Variants in PRELID2 observed in about 807,000 individuals in gnomAD.
PRELID2 encodes the protein PRELI domain-containing protein 2.
PRELID2 carries 25 observed loss-of-function variants against 28.4 expected under a neutral mutation model. The ratio of observed to expected loss-of-function variants is 0.88; its 90% CI spans 0.64 to 1.23. The LOEUF is 1.23. PRELID2 is among the 50% of genes most tolerant of loss of function. PRELID2 has a pLI of 0.00. For missense variants in PRELID2, 201 were observed against 214.4 expected, an observed-to-expected ratio of 0.94 and a Z score of 0.39; for synonymous variants, 76 against 71.6, an observed-to-expected ratio of 1.06 and a Z score of -0.31.
chr5:145,835,147 G>A (rs370256767), intron 1 of PRELID2, 30 bp downstream of exon 1: 10 of 1,496,384 alleles, frequency 6.7e-6, no homozygotes, highest in African/African-American at 5.6e-5. Flanking sequence ...GAGGCAGCGC[G>A]GGATACGGAA....
At chr5:145,538,223 G>A (rs1345995817) in intron 1 of PRELID2, among the ~76,000 whole-genome samples, 2 of 151,760 alleles carry the variant, frequency 1.3e-5, no homozygotes, top group Non-Finnish European at 2.9e-5. Context: ...TTTTATGCCA[G>A]TACCATACTG....
intron 1 of PRELID2, among the ~76,000 whole-genome samples, chr5:145,556,591 G>A (rs969319471): frequency 1.4e-4 from 21 of 152,114 alleles, no homozygotes; most frequent in African/African-American, 5.1e-4. Context: ...AAATACATCT[G>A]AAAATCTGAT....
rs1757332369 is a variant in PRELID2, at chr5:145,758,589, T to C, written c.*1947A>G. ...CCTTCAGAGGATGGGAGTTTTTGAG[T>C]GTGAAGGGTTAAACTTACTCTAATG... On this transcript the variant is annotated 3_prime_UTR_variant, in exon 7 of 7. Coordinates refer to ENST00000683046, the MANE Select transcript of PRELID2 (RefSeq NM_205846.3). 6.6e-6 allele frequency among the ~76,000 whole-genome samples: 1 copy of C among 152,138 alleles called. No individual in the cohort carries two copies. The highest frequency in any genetic ancestry group is 1.5e-5 in the Non-Finnish European group (1 of 68,030).
At chr5:145,274,725 G>A in the PRELID2 span, among the ~76,000 whole-genome samples, 1 of 152,152 alleles carries the variant, frequency 6.6e-6, no homozygotes, top group African/African-American at 2.4e-5. Flanking sequence ...AAAGAGGAAA[G>A]CATAGTTTGA....
At chr5:145,269,144 T>G in the PRELID2 span, among the ~76,000 whole-genome samples, 1 of 152,104 alleles carries the variant, frequency 6.6e-6, no homozygotes, top group Non-Finnish European at 1.5e-5. Context: ...ATCAAAATCC[T>G]GACAATTTTT....
chr5:145,558,181 G>A (rs1378875627), intron 1 of PRELID2, among the ~76,000 whole-genome samples: 1 of 152,148 alleles, frequency 6.6e-6, no homozygotes, highest in Non-Finnish European at 1.5e-5. Context: ...ATTAAAACCT[G>A]GCTCATAAAG....
the PRELID2 span, among the ~76,000 whole-genome samples, chr5:145,305,850 C>T: frequency 3.3e-5 from 5 of 152,186 alleles, no homozygotes; most frequent in Non-Finnish European, 4.4e-5. Context: ...CAGGGAAATG[C>T]TTCCCCACAT....
At chr5:145,388,440 C>G in the PRELID2 span, among the ~76,000 whole-genome samples, 1 of 152,100 alleles carries the variant, frequency 6.6e-6, no homozygotes, top group Non-Finnish European at 1.5e-5. Flanking sequence ...TAATGCTTTT[C>G]TTTTTCCCAC....
chr5:145,669,516 A>G (rs569392130), intron 1 of PRELID2, among the ~76,000 whole-genome samples: 6 of 152,242 alleles, frequency 3.9e-5, no homozygotes, highest in Admixed American at 6.6e-5. Context: ...TTAGCCTTCA[A>G]ACTGAACTAC....
At position 145,835,262 on chromosome 5, in the gene PRELID2, C is replaced by A. The variant is rs745932488; in HGVS notation, c.-11G>T. 3 of 1,542,620 alleles carry A rather than the reference C, an allele frequency of 1.9e-6. No homozygotes were observed. The highest frequency in any genetic ancestry group is 2.6e-6 in the Non-Finnish European group (3 of 1,141,350). ...CACCGAGACCCCCATCCCCGCGCGC[C>A]GCGGGCCCCGCGCACCGGCCACGCC... On this transcript the variant is annotated 5_prime_UTR_variant, in exon 1 of 7. Coordinates refer to ENST00000683046, the MANE Select transcript of PRELID2 (RefSeq NM_205846.3).
the PRELID2 span, among the ~76,000 whole-genome samples, chr5:145,340,324 T>G: frequency 6.6e-6 from 1 of 152,124 alleles, no homozygotes; most frequent in Admixed American, 6.6e-5. Flanking sequence ...CAACATAGCA[T>G]GGACTGCATG....
chr5:145,550,735 T>C (rs988073988), intron 1 of PRELID2, among the ~76,000 whole-genome samples: 1 of 152,230 alleles, frequency 6.6e-6, no homozygotes, highest in Non-Finnish European at 1.5e-5. Context: ...CAGCATTAAA[T>C]GGAATGGCAC....
At chr5:145,461,267 C>T in the PRELID2 span, among the ~76,000 whole-genome samples, 11 of 152,144 alleles carry the variant, frequency 7.2e-5, no homozygotes, top group African/African-American at 2.2e-4. Context: ...CTTTATTGCT[C>T]ATCGACTGTA....
At chr5:145,650,533 TATA>T (rs1754275163) in intron 1 of PRELID2, among the ~76,000 whole-genome samples, 1 of 9,694 alleles carries the variant, frequency 1.0e-4, no homozygotes, top group African/African-American at 5.1e-4. Flanking sequence ...CATATATACA[TATA>T]TATATATATA....
At chr5:145,245,823 G>A in the PRELID2 span, among the ~76,000 whole-genome samples, 7 of 152,054 alleles carry the variant, frequency 4.6e-5, no homozygotes, top group South Asian at 2.1e-4. Flanking sequence ...TCTCTTCAGC[G>A]TAAAATACAG....
intron 1 of PRELID2, among the ~76,000 whole-genome samples, chr5:145,695,110 A>G (rs532617976): frequency 2.6e-5 from 4 of 152,338 alleles, no homozygotes; most frequent in Admixed American, 2.6e-4. Flanking sequence ...ACTAACAAGT[A>G]AAGAAAAAGA....
chr5:145,568,779 C>A (rs1455209952), intron 1 of PRELID2, among the ~76,000 whole-genome samples: 1 of 152,196 alleles, frequency 6.6e-6, no homozygotes, highest in Non-Finnish European at 1.5e-5. Context: ...GGCAGCCAAT[C>A]ATTTCCTGCA....
the PRELID2 span, among the ~76,000 whole-genome samples, chr5:145,335,404 CAG>C: frequency 2.0e-5 from 3 of 151,840 alleles, no homozygotes; most frequent in Non-Finnish European, 4.4e-5. Flanking sequence ...TGTTCTCTTG[CAG>C]CTGACTGTTT....
At chr5:145,735,763 C>A (rs1366413846) in intron 1 of PRELID2, among the ~76,000 whole-genome samples, 1 of 152,142 alleles carries the variant, frequency 6.6e-6, no homozygotes, top group Non-Finnish European at 1.5e-5. Context: ...CATCTTCACA[C>A]GGTTGCTTTG....
Sources: gnomAD v4.1 joint callset for allele counts (sites outside exome capture counted in the v4.1 genomes callset) on GRCh38, gnomAD v4.1.1 for gene constraint, MANE v1.5 for transcripts, NCBI Gene and HGNC (gene_info 2026-07-23, HGNC 2026-07-21) for gene names.